Variants in NICOL1 observed in about 807,000 individuals in gnomAD.
NICOL1 encodes the protein NELL2 interacting cell ontogeny regulator 1, also known as NELL2-interacting cell ontogeny regulator 1.
the NICOL1 span, chr4:2,042,745 G>C: frequency 1.3e-6 from 2 of 1,516,016 alleles, no homozygotes; most frequent in Non-Finnish European, 1.8e-6. Flanking sequence ...GGCCGCCCAT[G>C]CGTGGACTGC....
chr4:2,041,789 C>A, the NICOL1 span: 1 of 497,198 alleles, frequency 2.0e-6, no homozygotes, highest in Non-Finnish European at 3.4e-6. Context: ...GGAGGTCTCG[C>A]CCCGGCGCCG....
At chr4:2,041,262 C>T in the NICOL1 span, among the ~76,000 whole-genome samples, 1 of 152,132 alleles carries the variant, frequency 6.6e-6, no homozygotes, top group Admixed American at 6.5e-5. Context: ...TGGGACCATC[C>T]CTCCCAGGGC....
chr4:2,043,940 C>G, the NICOL1 span: 1 of 1,540,012 alleles, frequency 6.5e-7, no homozygotes, highest in South Asian at 1.2e-5. Flanking sequence ...CCACGCTGCT[C>G]CGTGTGAATA....
At chr4:2,042,336 G>T in the NICOL1 span, 1 of 547,674 alleles carries the variant, frequency 1.8e-6, no homozygotes. Flanking sequence ...GGGCGGCCCC[G>T]CTCCCTCTGC....
chr4:2,043,096 A>T, the NICOL1 span, among the ~76,000 whole-genome samples: 5 of 151,912 alleles, frequency 3.3e-5, no homozygotes, highest in African/African-American at 1.2e-4. Flanking sequence ...TATGACCGCC[A>T]CTCCTGAGGG....
chr4:2,040,655 G>C, the NICOL1 span, among the ~76,000 whole-genome samples: 50 of 152,288 alleles, frequency 3.3e-4, no homozygotes, highest in African/African-American at 9.4e-4. Flanking sequence ...CCCGACACTC[G>C]GGAGGGCCGC....
the NICOL1 span, among the ~76,000 whole-genome samples, chr4:2,038,663 T>C: frequency 3.3e-5 from 5 of 152,212 alleles, no homozygotes; most frequent in Non-Finnish European, 5.9e-5. Flanking sequence ...CTCAATTAGA[T>C]AATGTTTTGT....
the NICOL1 span, among the ~76,000 whole-genome samples, chr4:2,039,126 C>A: frequency 6.6e-6 from 1 of 152,146 alleles, no homozygotes; most frequent in Non-Finnish European, 1.5e-5. Context: ...CAAAAGAATA[C>A]ATTATGGCTG....
chr4:2,043,907 G>T, the NICOL1 span: 3 of 1,549,200 alleles, frequency 1.9e-6, no homozygotes, highest in Non-Finnish European at 2.6e-6. Flanking sequence ...CTGTGTGCCT[G>T]CTGGCCAGCG....
the NICOL1 span, among the ~76,000 whole-genome samples, chr4:2,038,121 T>G: frequency 1.3e-5 from 2 of 150,290 alleles, no homozygotes; most frequent in East Asian, 3.9e-4. Context: ...TCACTTATAT[T>G]TTTGTTATTA....
At chr4:2,040,559 A>T in the NICOL1 span, among the ~76,000 whole-genome samples, 2 of 151,984 alleles carry the variant, frequency 1.3e-5, no homozygotes, top group South Asian at 4.1e-4. Context: ...CTACCCCTCT[A>T]CGGCTCCCGC....
At chr4:2,041,376 C>G in the NICOL1 span, among the ~76,000 whole-genome samples, 1 of 152,206 alleles carries the variant, frequency 6.6e-6, no homozygotes, top group African/African-American at 2.4e-5. Flanking sequence ...GAAATCGGCA[C>G]AGAGAGGCCG....
chr4:2,042,264 G>A, the NICOL1 span: 1 of 1,081,880 alleles, frequency 9.2e-7, no homozygotes, highest in Non-Finnish European at 1.2e-6. Context: ...CCGCGGGAGG[G>A]GACGGGGGCT....
the NICOL1 span, chr4:2,042,367 G>A: frequency 3.9e-6 from 2 of 513,196 alleles, no homozygotes; most frequent in Admixed American, 3.5e-5. Flanking sequence ...CCCCCCGCCC[G>A]CGTGCCGGTC....
At chr4:2,039,901 A>T in the NICOL1 span, among the ~76,000 whole-genome samples, 1 of 152,094 alleles carries the variant, frequency 6.6e-6, no homozygotes, top group East Asian at 1.9e-4. Context: ...CACCAAAAAG[A>T]TGTGTTTTAT....
the NICOL1 span, among the ~76,000 whole-genome samples, chr4:2,040,996 G>C: frequency 6.6e-6 from 1 of 152,144 alleles, no homozygotes; most frequent in African/African-American, 2.4e-5. Flanking sequence ...AGGTCGGCTA[G>C]GCTGGGGAGG....
the NICOL1 span, chr4:2,042,927 C>T: frequency 4.9e-4 from 358 of 734,104 alleles, no homozygotes; most frequent in Non-Finnish European, 6.7e-4. Flanking sequence ...GTCCCTCATC[C>T]TTCACCCCGA....
the NICOL1 span, chr4:2,042,466 A>C: frequency 2.4e-6 from 1 of 421,400 alleles, no homozygotes; most frequent in Non-Finnish European, 4.1e-6. Context: ...GCCCGCCGGG[A>C]GTGCCGTCCC....
At chr4:2,041,661 C>A in the NICOL1 span, 4 of 283,744 alleles carry the variant, frequency 1.4e-5, no homozygotes, top group Non-Finnish European at 2.6e-5. Flanking sequence ...CGTTTGCATG[C>A]GCAGCTCCCC....
Sources: gnomAD v4.1 joint callset for allele counts (sites outside exome capture counted in the v4.1 genomes callset) on GRCh38, gnomAD v4.1.1 for gene constraint, MANE v1.5 for transcripts, NCBI Gene and HGNC (gene_info 2026-07-23, HGNC 2026-07-21) for gene names.